The following FBXO11 variants were observed in gnomAD, a reference collection of about 807,000 sequenced individuals.
FBXO11 encodes F-box protein 11, also known as F-box only protein 11.
A neutral mutation model predicts 117.0 loss-of-function variants in FBXO11; 13 were observed. That is an observed-to-expected ratio of 0.11 (90% CI 0.07 to 0.18). FBXO11 has a LOEUF of 0.18. Ranked by LOEUF, FBXO11 falls within the 10% of genes least tolerant of loss-of-function variation. The pLI is 1.00. For missense variants in FBXO11, 767 were observed against 1,164.4 expected (o/e 0.66, Z 4.97); for synonymous variants, 490 against 380.5 (o/e 1.29, Z -3.35).
rs1470458291 is a variant in FBXO11 at position 47,900,587 on chromosome 2, T to TACAC, written c.232+4901_232+4902insGTGT. 5.2e-4 allele frequency among the ~76,000 whole-genome samples: 75 copies of TACAC among 144,440 alleles called. 2 individuals are homozygous for TACAC. Among genetic ancestry groups the TACAC allele is most frequent in the Non-Finnish European group, 7.9e-4 (52 of 66,164 alleles). The allele number at this position is 144,440 out of a possible 152,430, so 94.8% of individuals were successfully genotyped here. A position where few individuals can be genotyped will look rare whatever the true frequency, so the allele number is the denominator to read the frequency against. The stretch of plus-strand genomic sequence containing the variant: ...ATATACACACGTATACACACATATA[T>TACAC]ACGTATATACACACGTATACACACG... On this transcript the variant is annotated intron_variant, in intron 1 of 22. Transcript: ENST00000403359.
At chr2:47,856,939 C>G (rs1295112547) in intron 1 of FBXO11, among the ~76,000 whole-genome samples, 2 of 152,164 alleles carry the variant, frequency 1.3e-5, no homozygotes, top group African/African-American at 4.8e-5. Flanking sequence ...TAAAGCTATA[C>G]TGGGATGAGT....
chr2:47,901,890 T>A (rs147464160), intron 1 of FBXO11, among the ~76,000 whole-genome samples: 1 of 152,242 alleles, frequency 6.6e-6, no homozygotes, highest in Non-Finnish European at 1.5e-5. Flanking sequence ...CACACTACTG[T>A]TTCATTAAAT....
chr2:47,892,029 A>T (rs1677294652), intron 1 of FBXO11, among the ~76,000 whole-genome samples: 1 of 152,148 alleles, frequency 6.6e-6, no homozygotes, highest in Non-Finnish European at 1.5e-5. Flanking sequence ...TCCTTATCAG[A>T]TATATGGTTT....
At chr2:47,867,230 A>T (rs1417929835) in intron 1 of FBXO11, among the ~76,000 whole-genome samples, 1 of 152,218 alleles carries the variant, frequency 6.6e-6, no homozygotes, top group Non-Finnish European at 1.5e-5. Flanking sequence ...AACAACAAAG[A>T]TTTATTTGTT....
At chr2:47,889,351 C>T (rs746288001) in intron 1 of FBXO11, among the ~76,000 whole-genome samples, 2 of 152,274 alleles carry the variant, frequency 1.3e-5, no homozygotes, top group East Asian at 3.9e-4. Context: ...TCCTTAACCA[C>T]ATCAGTAGCT....
At chr2:47,816,255 G>A (rs1230725008) in intron 16 of FBXO11, among the ~76,000 whole-genome samples, 1 of 152,120 alleles carries the variant, frequency 6.6e-6, no homozygotes, top group Non-Finnish European at 1.5e-5. Flanking sequence ...TCATAGCTCA[G>A]TGCCGCCTCG....
At chr2:47,874,207 G>C (rs1162660082) in intron 1 of FBXO11, among the ~76,000 whole-genome samples, 1 of 152,036 alleles carries the variant, frequency 6.6e-6, no homozygotes, top group Admixed American at 6.6e-5. Flanking sequence ...GTGCGAGACT[G>C]TCTCAAAAAT....
intron 1 of FBXO11, among the ~76,000 whole-genome samples, chr2:47,854,621 G>A (rs113460524): frequency 2.6e-5 from 4 of 152,036 alleles, no homozygotes; most frequent in African/African-American, 7.2e-5. Context: ...CTAGATCAGC[G>A]GTTCTCAAAG....
intron 1 of FBXO11, among the ~76,000 whole-genome samples, chr2:47,869,823 T>C (rs538181082): frequency 2.6e-5 from 4 of 152,264 alleles, no homozygotes; most frequent in South Asian, 2.1e-4. Flanking sequence ...TCCTATTAGG[T>C]GGAAGTATGA....
At position 47,813,923 on chromosome 2, in the gene FBXO11, A is replaced by C. The variant is rs1048530141; in HGVS notation, c.2007-56T>G. On this transcript the variant is annotated intron_variant, in intron 16 of 22. Coordinates refer to ENST00000403359, the MANE Select transcript of FBXO11 (RefSeq NM_001190274.2). ...CAATAGCTTCTACTCCCATATCTTCATGTTACGTGAGGTAAACAGTGGAGA... is the reference window on the plus strand; with the variant it reads ...CAATAGCTTCTACTCCCATATCTTCCTGTTACGTGAGGTAAACAGTGGAGA... The C allele has an allele frequency of 2.3e-6, 3 of 1,293,892 alleles. No individual in the cohort carries two copies. The Admixed American group carries it at 5.1e-5, about 22-fold the overall frequency. 80.2% of individuals were successfully genotyped at this position (1,293,892 alleles called of 1,614,324 possible).
intron 1 of FBXO11, among the ~76,000 whole-genome samples, chr2:47,868,259 G>A (rs902432288): frequency 6.7e-6 from 1 of 149,088 alleles, no homozygotes; most frequent in African/African-American, 2.5e-5. Context: ...CTACAGCCTG[G>A]GGGTAGAGCA....
chr2:47,837,325 A>C (rs1056625368), intron 4 of FBXO11, among the ~76,000 whole-genome samples: 3 of 152,150 alleles, frequency 2.0e-5, no homozygotes, highest in Admixed American at 1.3e-4. Context: ...TCAGGAGTTC[A>C]AGACCAGCCT....
intron 1 of FBXO11, among the ~76,000 whole-genome samples, chr2:47,886,341 A>G (rs1676844293): frequency 1.3e-5 from 2 of 152,008 alleles, no homozygotes. Context: ...TCCCGTCTCT[A>G]CTAAAAATGC....
At chr2:47,860,464 G>T (rs148373342) in intron 1 of FBXO11, among the ~76,000 whole-genome samples, 3 of 149,664 alleles carry the variant, frequency 2.0e-5, no homozygotes, top group African/African-American at 7.4e-5. Flanking sequence ...AGAGTGGAGC[G>T]CAGTGGCACA....
chr2:47,897,448 G>C (rs191522421), intron 1 of FBXO11, among the ~76,000 whole-genome samples: 2 of 152,304 alleles, frequency 1.3e-5, no homozygotes, highest in East Asian at 3.9e-4. Flanking sequence ...TGTAATCCCA[G>C]CATTTTGGGA....
chr2:47,824,639 G>C (rs1422818033), intron 11 of FBXO11, among the ~76,000 whole-genome samples: 1 of 152,108 alleles, frequency 6.6e-6, no homozygotes, highest in East Asian at 1.9e-4. Context: ...AAAAGAACAA[G>C]TTTTAAAGTA....
In FBXO11 at chr2:47,894,958, C is replaced by T. The variant is rs1412682928; in HGVS notation, c.232+10531G>A. Among the ~76,000 whole-genome samples the T allele has an allele frequency of 2.0e-5, 3 of 151,972 alleles. No individual in the cohort carries two copies. In the East Asian group the frequency reaches 5.8e-4, roughly 29 times the overall value. On this transcript the variant is annotated intron_variant, in intron 1 of 22. Transcript: ENST00000403359. ...AACTGTTAAAGGATACCAAGAGACTCAAGAAAAACACCAATATTTAAAATA... is the reference window on the plus strand; with the variant it reads ...AACTGTTAAAGGATACCAAGAGACTTAAGAAAAACACCAATATTTAAAATA...
intron 1 of FBXO11, among the ~76,000 whole-genome samples, chr2:47,897,015 CTTG>C (rs1449542330): frequency 1.3e-5 from 2 of 152,056 alleles, no homozygotes; most frequent in African/African-American, 4.8e-5. Flanking sequence ...CCCTTTAAAG[CTTG>C]TTTTTTTCTT....
chr2:47,827,800 A>C (rs1050185330), intron 11 of FBXO11, among the ~76,000 whole-genome samples: 2 of 150,862 alleles, frequency 1.3e-5, no homozygotes, highest in African/African-American at 2.4e-5. Context: ...AGGTTCAAGC[A>C]ATTTTCGTGC....
Sources: allele counts gnomAD v4.1 joint callset (sites outside exome capture counted in the v4.1 genomes callset), GRCh38; gene constraint gnomAD v4.1.1; transcripts MANE v1.5; gene names NCBI Gene and HGNC (gene_info 2026-07-23, HGNC 2026-07-21).